The following TIPARP variants were observed in gnomAD, a reference collection of about 807,000 sequenced individuals.
TIPARP encodes the protein TCDD inducible poly(ADP-ribose) polymerase.
Under a neutral mutation model 56.5 loss-of-function variants are expected in TIPARP, and 12 were observed. The observed-to-expected ratio is 0.21, with a 90% CI of 0.14 to 0.34. TIPARP has a LOEUF of 0.34. Ranked by LOEUF, TIPARP falls within the 10% of genes least tolerant of loss-of-function variation. TIPARP has a pLI of 1.00. For missense variants in TIPARP, 604 were observed against 781.6 expected, an observed-to-expected ratio of 0.77 and a Z score of 2.71; for synonymous variants, 296 against 265.7, an observed-to-expected ratio of 1.11 and a Z score of -1.11.
intron 2 of TIPARP, among the ~76,000 whole-genome samples, chr3:156,691,661 A>G (rs537466109): frequency 5.3e-5 from 8 of 152,250 alleles, no homozygotes; most frequent in South Asian, 4.2e-4. Flanking sequence ...GATTGTGGAG[A>G]AAAAAACCTC....
At chr3:156,693,375 G>A (rs891739613) in intron 2 of TIPARP, among the ~76,000 whole-genome samples, 6 of 152,142 alleles carry the variant, frequency 3.9e-5, no homozygotes, top group African/African-American at 1.4e-4. Flanking sequence ...TTCAGCAGCA[G>A]TCGACCAGAT....
intron 3 of TIPARP, among the ~76,000 whole-genome samples, chr3:156,695,300 A>G (rs555465247): frequency 2.6e-5 from 4 of 152,038 alleles, no homozygotes; most frequent in Admixed American, 1.3e-4. Flanking sequence ...TATAATCTTG[A>G]ACTCCTGGGC....
In TIPARP at chr3:156,684,430, C is replaced by A. The variant is rs1722379184; in HGVS notation, c.917+5816C>A. ...TTCACCATTTCTAGGAGCAAACAAGCCACATTTTAGATGTGAAGGAATTCC... is the reference window on the plus strand; with the variant it reads ...TTCACCATTTCTAGGAGCAAACAAGACACATTTTAGATGTGAAGGAATTCC... On this transcript the variant is annotated intron_variant, in intron 2 of 5. Transcript: ENST00000295924. 3.3e-5 allele frequency among the ~76,000 whole-genome samples: 5 copies of A among 152,298 alleles called. No individual in the cohort carries two copies. The South Asian group carries it at 1.0e-3, about 32-fold the overall frequency.
At chr3:156,696,128 C>T in intron 4 of TIPARP, 103 bp downstream of exon 4, 1 of 1,302,976 alleles carries the variant, frequency 7.7e-7, no homozygotes, top group Non-Finnish European at 1.0e-6. Context: ...TTGGTTAGTA[C>T]TCCTAGAATG....
At chr3:156,675,179 G>GC (rs946583148) in intron 1 of TIPARP, 4 of 592 alleles carry the variant, frequency 6.8e-3, no homozygotes, top group African/African-American at 0.011. Context: ...CCCAGACCCC[G>GC]GGGGGGAGGG....
At chr3:156,685,291 C>T (rs1559972341) in intron 2 of TIPARP, among the ~76,000 whole-genome samples, 1 of 152,212 alleles carries the variant, frequency 6.6e-6, no homozygotes, top group African/African-American at 2.4e-5. Flanking sequence ...TCTTTCTCTG[C>T]TCTATGCTGT....
chr3:156,706,190 A>T lies in TIPARP; in HGVS notation c.*1059A>T, dbSNP rs1166791394. ...CACTACTTACTTAATAGAAACACAA[A>T]CTTGGAAATTGTGCCAGTGGTCCAG... On this transcript the variant is annotated 3_prime_UTR_variant, in exon 6 of 6. Coordinates refer to ENST00000295924, the MANE Select transcript of TIPARP (RefSeq NM_015508.5). 6.6e-6 allele frequency: 1 copy of T among 152,650 alleles called. No homozygotes were observed. The highest frequency in any genetic ancestry group is 1.5e-5 in the Non-Finnish European group (1 of 68,050). 9.5% of individuals were successfully genotyped at this position (152,650 alleles called of 1,614,324 possible).
intron 2 of TIPARP, among the ~76,000 whole-genome samples, chr3:156,692,129 G>C (rs60983118): frequency 0.011 from 1,741 of 152,212 alleles, 50 homozygotes; most frequent in East Asian, 0.11. Context: ...AAATACTGAG[G>C]ATTTGTGACT....
chr3:156,691,568 A>G (rs1722575197), intron 2 of TIPARP, among the ~76,000 whole-genome samples: 1 of 152,148 alleles, frequency 6.6e-6, no homozygotes, highest in Non-Finnish European at 1.5e-5. Context: ...CTTTCTGATA[A>G]TAGGAAGCAA....
intron 2 of TIPARP, among the ~76,000 whole-genome samples, chr3:156,691,547 A>G (rs1348410687): frequency 6.6e-6 from 1 of 152,120 alleles, no homozygotes; most frequent in Non-Finnish European, 1.5e-5. Flanking sequence ...TACATAGATG[A>G]CTCATAATTG....
At chr3:156,680,878 A>G (rs77366101) in intron 2 of TIPARP, among the ~76,000 whole-genome samples, 8,901 of 152,270 alleles carry the variant, frequency 0.058, 325 homozygotes, top group Non-Finnish European at 0.078. Context: ...AGTGTGAGTG[A>G]AGTATTATAA....
At chr3:156,690,938 A>T (rs774334696) in intron 2 of TIPARP, among the ~76,000 whole-genome samples, 2 of 152,092 alleles carry the variant, frequency 1.3e-5, no homozygotes, top group Non-Finnish European at 2.9e-5. Context: ...CTCTAACTTC[A>T]TCTGCTCAAT....
chr3:156,698,315 A>G (rs1722768808), intron 4 of TIPARP, among the ~76,000 whole-genome samples: 1 of 152,266 alleles, frequency 6.6e-6, no homozygotes, highest in African/African-American at 2.4e-5. Context: ...GACAGTGGCT[A>G]AACTAAACAA....
At chr3:156,693,968 T>C in intron 2 of TIPARP, 52 bp from the exon 3 acceptor site, 1 of 1,532,810 alleles carries the variant, frequency 6.5e-7, no homozygotes, top group Non-Finnish European at 8.8e-7. Context: ...ATTTCTGTTT[T>C]ACAAATTTAT....
chr3:156,693,162 AAAAAG>A lies in TIPARP; in HGVS notation c.918-851_918-847del, dbSNP rs1353100363. ...TTATAGTAACTTTCAAACATACACA[AAAAAG>A]AAAAGAGAGAAGAGTATAATGACCA... On this transcript the variant is annotated intron_variant, in intron 2 of 5. Coordinates refer to ENST00000295924, the MANE Select transcript of TIPARP (RefSeq NM_015508.5). Among the ~76,000 whole-genome samples the A allele has an allele frequency of 7.9e-5, 12 of 152,304 alleles. No individual in the cohort carries two copies. In the South Asian group the frequency reaches 2.5e-3, roughly 32 times the overall value.
At chr3:156,675,439 T>G (rs761540407) in intron 1 of TIPARP, 1 of 152,058 alleles carries the variant, frequency 6.6e-6, no homozygotes, top group Non-Finnish European at 1.5e-5. Context: ...GCGCCGCGAG[T>G]AGTCTCTGGG....
At chr3:156,703,041 A>T (rs1722890581) in intron 4 of TIPARP, among the ~76,000 whole-genome samples, 1 of 152,192 alleles carries the variant, frequency 6.6e-6, no homozygotes, top group South Asian at 2.1e-4. Flanking sequence ...TAGTAATGAA[A>T]TCTTTTCTGC....
Position 156,678,079 on chromosome 3 carries a change from A to G in TIPARP, c.382A>G (p.Thr128Ala), listed in dbSNP as rs1722195356. The G allele has an allele frequency of 6.2e-7, 1 of 1,614,114 alleles. No individual in the cohort carries two copies. Among genetic ancestry groups the G allele is most frequent in the Non-Finnish European group, 8.5e-7 (1 of 1,180,036 alleles). The change falls in exon 2 of 6, where the codon ACT (threonine) becomes GCT (alanine). Residue 128 changes from threonine to alanine, a missense_variant. Around this residue, in one of 4 missense-constraint regions of TIPARP, gnomAD observed 261 missense variants for 279.2 expected, o/e 0.93. Coordinates refer to ENST00000295924, the MANE Select transcript of TIPARP (RefSeq NM_015508.5). ...GDQIPEAHPS[T>A]EAPERVVPIQ... ...CCAGATACCGGAAGCCCATCCTTCC[A>G]CTGAAGCTCCAGAACGAGTGGTTCC... is the stretch of plus-strand genomic sequence containing the variant.
chr3:156,704,684 G>A lies in TIPARP; in HGVS notation c.1527G>A (p.Arg509=), dbSNP rs538245748. The A allele has an allele frequency of 6.2e-7, 1 of 1,609,638 alleles. No individual in the cohort carries two copies. The highest frequency in any genetic ancestry group is 1.3e-5 in the African/African-American group (1 of 74,866). The change falls in exon 6 of 6, where the codon AGG becomes AGA. Residue 509 remains arginine (R), a splice_region_variant and synonymous_variant. Transcript: ENST00000295924. The part of the protein sequence containing the change: ...QNQFLWEKYK[R]KKEYMNRKMF... ...ATTCTCTGTCTGTTCTTTCCATTAGGAAAAAGGAATATATGAACAGGAAAA... is the reference window on the plus strand; with the variant it reads ...ATTCTCTGTCTGTTCTTTCCATTAGAAAAAAGGAATATATGAACAGGAAAA...
Sources: gnomAD v4.1 joint callset for allele counts (sites outside exome capture counted in the v4.1 genomes callset) on GRCh38, gnomAD v4.1.1 for gene constraint, gnomAD v4.1.1 regional missense constraint, MANE v1.5 for transcripts, NCBI Gene and HGNC (gene_info 2026-07-23, HGNC 2026-07-21) for gene names.